The following KMT2C variants were observed in gnomAD, a reference collection of about 807,000 sequenced individuals.
KMT2C encodes lysine methyltransferase 2C.
A neutral mutation model predicts 507.9 loss-of-function variants in KMT2C; 88 were observed. That is an observed-to-expected ratio of 0.17 (90% confidence interval 0.15 to 0.21). The LOEUF (loss-of-function observed/expected upper bound fraction) is 0.21, where lower values mean the gene tolerates loss of function less well. Ranked by LOEUF, KMT2C falls within the 10% of genes least tolerant of loss-of-function variation. KMT2C has a pLI of 1.00. For synonymous variants in KMT2C, 2,049 were observed against 2,080.8 expected (o/e 0.98, Z 0.42); for missense variants, 4,954 against 5,957.8 (o/e 0.83, Z 5.55).
intron 1 of KMT2C, among the ~76,000 whole-genome samples, chr7:152,400,185 G>GGGAGTCCCAGTTA (rs1351655581): frequency 6.6e-6 from 1 of 152,066 alleles, no homozygotes; most frequent in Admixed American, 6.6e-5. Flanking sequence ...GGTAGCAGGT[G>GGGAGTCCCAGTTA]CCTGTAGTCC....
intron 14 of KMT2C, among the ~76,000 whole-genome samples, chr7:152,245,177 A>G (rs536879187): frequency 3.3e-4 from 50 of 152,348 alleles, no homozygotes; most frequent in African/African-American, 1.2e-3. Context: ...CAGAAAAAGA[A>G]TATTTCTACT....
intron 1 of KMT2C, among the ~76,000 whole-genome samples, chr7:152,392,494 T>G (rs1224296784): frequency 6.6e-6 from 1 of 152,204 alleles, no homozygotes; most frequent in African/African-American, 2.4e-5. Context: ...AAAGTAAAAA[T>G]GAAGGGCTAT....
At chr7:152,324,833 T>C (rs2096811161) in intron 3 of KMT2C, among the ~76,000 whole-genome samples, 1 of 151,954 alleles carries the variant, frequency 6.6e-6, no homozygotes, top group Non-Finnish European at 1.5e-5. Context: ...ATTACAAAAA[T>C]TCATATTGCT....
intron 11 of KMT2C, 87 bp from the exon 12 acceptor site, chr7:152,251,053 G>C: frequency 1.4e-6 from 1 of 712,902 alleles, no homozygotes; most frequent in Non-Finnish European, 2.4e-6. Context: ...GTATGAGTAA[G>C]GGCAAATCAT....
chr7:152,185,707 A>T lies in KMT2C; in HGVS notation c.5009-76T>A, dbSNP rs540467900. ...GTGTTGTAATAAAGAATGTTGATGA[A>T]CTGCTGACAGTTAATCTTATTCAGG... On this transcript the variant is annotated intron_variant, in intron 33 of 58. Transcript: ENST00000262189. The T allele has an allele frequency of 2.6e-5, 27 of 1,051,556 alleles. No individual in the cohort carries two copies. The East Asian group carries it at 5.9e-4, about 23-fold the overall frequency. 65.1% of individuals were successfully genotyped at this position (1,051,556 alleles called of 1,614,324 possible). A position where few individuals can be genotyped will look rare whatever the true frequency, so the allele number is the denominator to read the frequency against.
chr7:152,211,995 C>A (rs1288203482), intron 23 of KMT2C, among the ~76,000 whole-genome samples: 1 of 152,148 alleles, frequency 6.6e-6, no homozygotes, highest in African/African-American at 2.4e-5. Flanking sequence ...TTGCAGTGAG[C>A]CGAGATTGCG....
At chr7:152,377,102 T>C (rs1231812800) in intron 1 of KMT2C, among the ~76,000 whole-genome samples, 2 of 152,312 alleles carry the variant, frequency 1.3e-5, no homozygotes, top group Non-Finnish European at 2.9e-5. Flanking sequence ...TTGAAGCTAA[T>C]GCTCATTTGC....
At chr7:152,231,876 T>TTTTG (rs765031864) in intron 16 of KMT2C, among the ~76,000 whole-genome samples, 5 of 152,068 alleles carry the variant, frequency 3.3e-5, no homozygotes, top group South Asian at 2.1e-4. Flanking sequence ...AAAGCAGTTT[T>TTTTG]TTTGTTTGTT....
chr7:152,305,376 C>CG (rs2096607009), intron 6 of KMT2C, among the ~76,000 whole-genome samples: 1 of 152,154 alleles, frequency 6.6e-6, no homozygotes, highest in South Asian at 2.1e-4. Context: ...TATGAGGGGG[C>CG]AACACATGCA....
chr7:152,242,328 G>A (rs886954557), intron 14 of KMT2C, among the ~76,000 whole-genome samples: 5 of 152,050 alleles, frequency 3.3e-5, no homozygotes, highest in Admixed American at 6.5e-5. Flanking sequence ...ACTATGATAT[G>A]AAACACACTA....
At chr7:152,218,861 T>A (rs2094670438) in intron 23 of KMT2C, among the ~76,000 whole-genome samples, 1 of 152,226 alleles carries the variant, frequency 6.6e-6, no homozygotes, top group Admixed American at 6.5e-5. Flanking sequence ...CTGTCTGGGA[T>A]GCTCTTCTCT....
intron 1 of KMT2C, among the ~76,000 whole-genome samples, chr7:152,372,193 TCGCCC>T (rs2097298127): frequency 1.3e-5 from 2 of 152,184 alleles, no homozygotes; most frequent in African/African-American, 4.8e-5. Flanking sequence ...TCTCACTCTG[TCGCCC>T]AGACTGGACT....
intron 1 of KMT2C, among the ~76,000 whole-genome samples, chr7:152,428,265 C>T (rs2097839357): frequency 6.6e-6 from 1 of 152,020 alleles, no homozygotes; most frequent in Non-Finnish European, 1.5e-5. Flanking sequence ...AGTATAGGCG[C>T]AAATACCGTT....
At chr7:152,165,482 C>A (rs2092685606) in intron 42 of KMT2C, among the ~76,000 whole-genome samples, 1 of 152,100 alleles carries the variant, frequency 6.6e-6, no homozygotes, top group Admixed American at 6.5e-5. Flanking sequence ...CTACAGTAAA[C>A]ATGAACCCAG....
intron 23 of KMT2C, 30 bp downstream of exon 23, chr7:152,220,493 C>T (rs749435006): frequency 1.4e-6 from 2 of 1,479,952 alleles, no homozygotes; most frequent in Admixed American, 1.7e-5. Context: ...TTCTTGCACA[C>T]ATATTTCATG....
intron 6 of KMT2C, among the ~76,000 whole-genome samples, chr7:152,290,244 G>GTGTGTA (rs1200394300): frequency 1.0e-5 from 1 of 96,310 alleles, no homozygotes; most frequent in African/African-American, 5.0e-5. Flanking sequence ...GTGTGTGTGT[G>GTGTGTA]TGTGTGTGTA....
intron 2 of KMT2C, among the ~76,000 whole-genome samples, chr7:152,346,799 A>G (rs1399147054): frequency 6.6e-6 from 1 of 152,208 alleles, no homozygotes; most frequent in East Asian, 1.9e-4. Flanking sequence ...CCGTATTCTT[A>G]CAATAAAGTA....
chr7:152,196,208 G>T (rs908925300), intron 27 of KMT2C, among the ~76,000 whole-genome samples, 197 bp from the exon 28 acceptor site: 64 of 152,066 alleles, frequency 4.2e-4, no homozygotes, highest in African/African-American at 1.5e-3. Context: ...TAAAAATTCA[G>T]ACGATTTTGT....
At chr7:152,351,253 A>G (rs984985893) in intron 2 of KMT2C, among the ~76,000 whole-genome samples, 3 of 152,342 alleles carry the variant, frequency 2.0e-5, no homozygotes, top group Middle Eastern at 3.4e-3. Context: ...ACTTATTATC[A>G]AGAGTTATGT....
Sources: allele counts gnomAD v4.1 joint callset (sites outside exome capture counted in the v4.1 genomes callset), GRCh38; gene constraint gnomAD v4.1.1; transcripts MANE v1.5; gene names NCBI Gene and HGNC (gene_info 2026-07-23, HGNC 2026-07-21).